CASD1: variants seen among roughly 807,000 people sequenced by gnomAD.
The protein encoded by CASD1 is N-acetylneuraminate (7)9-O-acetyltransferase.
Under a neutral mutation model 100.0 loss-of-function variants are expected in CASD1, and 41 were observed. The ratio of observed to expected loss-of-function variants is 0.41; its 90% CI spans 0.32 to 0.53. The LOEUF (loss-of-function observed/expected upper bound fraction) is 0.53. CASD1 is among the 20% of genes least tolerant of loss of function. The pLI is 0.25. For missense variants in CASD1, 774 were observed against 948.7 expected, an observed-to-expected ratio of 0.82 and a Z score of 2.42; for synonymous variants, 321 against 315.6, an observed-to-expected ratio of 1.02 and a Z score of -0.18.
At chr7:94,633,677 T>C in the CASD1 span, among the ~76,000 whole-genome samples, 1 of 152,164 alleles carries the variant, frequency 6.6e-6, no homozygotes, top group Non-Finnish European at 1.5e-5. Context: ...CCTTTACTAA[T>C]AGTCCAGTGG....
the CASD1 span, chr7:94,588,334 C>G: frequency 3.7e-6 from 4 of 1,083,532 alleles, no homozygotes; most frequent in African/African-American, 5.0e-5. Flanking sequence ...AAACTTCAAG[C>G]TGCTCACTTA....
intron 4 of CASD1, among the ~76,000 whole-genome samples, chr7:94,527,559 G>C (rs771608467): frequency 7.2e-5 from 11 of 152,140 alleles, no homozygotes; most frequent in Non-Finnish European, 1.5e-4. Context: ...GCAAATACAA[G>C]TGGGACAAGG....
chr7:94,528,113 T>C (rs1323772956), intron 4 of CASD1, 75 bp from the exon 5 acceptor site: 1 of 994,984 alleles, frequency 1.0e-6, no homozygotes, highest in African/African-American at 1.6e-5. Flanking sequence ...TGTAAGAGAA[T>C]GTTAATGTTT....
At chr7:94,620,497 T>A in the CASD1 span, 1 of 152,282 alleles carries the variant, frequency 6.6e-6, no homozygotes, top group East Asian at 1.9e-4. Context: ...AATAGCTTAA[T>A]CATGCTACAT....
chr7:94,555,405 A>G, intron 17 of CASD1, 87 bp from the exon 18 acceptor site: 5 of 1,318,420 alleles, frequency 3.8e-6, no homozygotes, highest in Non-Finnish European at 1.0e-6. Flanking sequence ...TAATGTTATT[A>G]TGCAACCAAA....
chr7:94,623,116 C>T, the CASD1 span, among the ~76,000 whole-genome samples: 1 of 152,044 alleles, frequency 6.6e-6, no homozygotes, highest in Non-Finnish European at 1.5e-5. Flanking sequence ...ATCTGTTTGG[C>T]TTCCTATCTG....
the CASD1 span, among the ~76,000 whole-genome samples, chr7:94,592,482 ATG>A: frequency 6.6e-6 from 1 of 152,198 alleles, no homozygotes; most frequent in East Asian, 1.9e-4. Flanking sequence ...AAAAGTTATT[ATG>A]TGTAAACTGC....
At chr7:94,587,809 TCTC>T in the CASD1 span, 2 of 1,545,232 alleles carry the variant, frequency 1.3e-6, no homozygotes, top group Admixed American at 4.0e-5. Context: ...CAAACGAAAA[TCTC>T]CTTAAATTCA....
chr7:94,530,635 T>C (rs556300618), intron 5 of CASD1, among the ~76,000 whole-genome samples: 14 of 152,254 alleles, frequency 9.2e-5, no homozygotes, highest in African/African-American at 3.1e-4. Flanking sequence ...GTAAAGAAAC[T>C]GGCAGTTTAG....
the CASD1 span, among the ~76,000 whole-genome samples, chr7:94,576,149 C>T: frequency 6.6e-6 from 1 of 152,186 alleles, no homozygotes; most frequent in Non-Finnish European, 1.5e-5. Flanking sequence ...AGACAGGTCT[C>T]TCAAGCTCCA....
intron 1 of CASD1, among the ~76,000 whole-genome samples, chr7:94,514,235 G>C (rs1255778317): frequency 6.6e-6 from 1 of 151,994 alleles, no homozygotes; most frequent in Non-Finnish European, 1.5e-5. Flanking sequence ...AGCAGCTCTG[G>C]GTCTCTTAGC....
intron 13 of CASD1, 31 bp from the exon 14 acceptor site, chr7:94,549,502 C>A: frequency 6.7e-7 from 1 of 1,482,166 alleles, no homozygotes; most frequent in Non-Finnish European, 9.3e-7. Flanking sequence ...CTTGTACCAT[C>A]TTAATTTATT....
At chr7:94,533,342 G>A (rs1794945090) in intron 6 of CASD1, 93 bp downstream of exon 6, 3 of 1,006,010 alleles carry the variant, frequency 3.0e-6, no homozygotes, top group East Asian at 2.5e-5. Flanking sequence ...ATTCTTGATT[G>A]TACCTAAATT....
At chr7:94,623,912 G>A in the CASD1 span, 1 of 363,864 alleles carries the variant, frequency 2.7e-6, no homozygotes, top group Non-Finnish European at 4.9e-6. Flanking sequence ...CTTACGATGG[G>A]AGTAAAGTAG....
the CASD1 span, chr7:94,623,614 CA>C: frequency 2.0e-6 from 1 of 505,426 alleles, no homozygotes; most frequent in Non-Finnish European, 3.5e-6. Flanking sequence ...TATACTGAAA[CA>C]AAAAGTTAAA....
At chr7:94,528,935 C>T (rs1261888303) in intron 5 of CASD1, among the ~76,000 whole-genome samples, 5 of 151,978 alleles carry the variant, frequency 3.3e-5, no homozygotes, top group African/African-American at 9.7e-5. Flanking sequence ...TTCCCTGCAA[C>T]AGTTTTTTGG....
the CASD1 span, chr7:94,585,519 C>T: frequency 1.9e-6 from 3 of 1,602,130 alleles, no homozygotes; most frequent in Non-Finnish European, 2.6e-6. Context: ...CATTTACCTG[C>T]AATGTGTAAG....
At chr7:94,603,488 G>T in the CASD1 span, 1 of 1,596,612 alleles carries the variant, frequency 6.3e-7, no homozygotes, top group South Asian at 1.1e-5. Flanking sequence ...TATCCTTTAA[G>T]AAAATTGAAA....
At chr7:94,573,117 T>TTACTGTAGCACTGTAACTG in the CASD1 span, among the ~76,000 whole-genome samples, 1 of 152,230 alleles carries the variant, frequency 6.6e-6, no homozygotes, top group Non-Finnish European at 1.5e-5. Flanking sequence ...GCTGTTTTGG[T>TTACTGTAGCACTGTAACTG]TACTGTAGCA....
Sources: gnomAD v4.1 joint callset for allele counts (sites outside exome capture counted in the v4.1 genomes callset) on GRCh38, gnomAD v4.1.1 for gene constraint, MANE v1.5 for transcripts, NCBI Gene and HGNC (gene_info 2026-07-23, HGNC 2026-07-21) for gene names.